Variants in EDA observed in about 807,000 individuals in gnomAD.
The protein encoded by EDA is ectodysplasin-A.
A neutral mutation model predicts 23.6 loss-of-function variants in EDA; 2 were observed. That is an observed-to-expected ratio of 0.08 (90% CI 0.03 to 0.27). The LOEUF is 0.27. EDA is among the 10% of genes least tolerant of loss of function. The pLI is 1.00. For missense variants in EDA, 229 were observed against 324.2 expected (o/e 0.71, Z 2.26); for synonymous variants, 131 against 132.0 (o/e 0.99, Z 0.05).
chrX:69,733,002 C>A (rs2013099739), intron 1 of EDA, among the ~76,000 whole-genome samples: 1 of 108,688 alleles, frequency 9.2e-6, no homozygotes, highest in Admixed American at 9.9e-5. Flanking sequence ...GGATATTAGC[C>A]CTTTGTCAGA....
At chrX:69,756,928 C>G (rs771172713) in intron 1 of EDA, 13 of 111,761 alleles carry the variant, frequency 1.2e-4, no homozygotes, top group Non-Finnish European at 2.3e-4. Context: ...CCTTTTATAA[C>G]CTTTCCTCTT....
At position 69,683,670 on chromosome X, in the gene EDA, A is replaced by G. The variant is rs150457148; in HGVS notation, c.396+66966A>G. On this transcript the variant is annotated intron_variant, in intron 1 of 7. Transcript: ENST00000374552. The stretch of plus-strand genomic sequence containing the variant: ...CGGCAGACTGTGTCTTACTCATTTT[A>G]TATCCCTTGTGATGCTAGTATAATG... 1.9e-4 allele frequency among the ~76,000 whole-genome samples: 21 copies of G among 111,248 alleles called. No individual in the cohort carries two copies. In the East Asian group the frequency reaches 5.8e-3, roughly 31 times the overall value.
chrX:69,873,320 A>G (rs763570096), intron 1 of EDA, among the ~76,000 whole-genome samples: 30 of 112,167 alleles, frequency 2.7e-4, no homozygotes, highest in African/African-American at 9.4e-4. Flanking sequence ...AGACAATCTA[A>G]GGTCACACCT....
chrX:69,821,673 G>T (rs917973368), intron 1 of EDA, among the ~76,000 whole-genome samples: 5 of 111,947 alleles, frequency 4.5e-5, no homozygotes, highest in Non-Finnish European at 9.4e-5. Flanking sequence ...TGTGCATAAA[G>T]ATAAAGAATA....
At chrX:69,848,781 A>G (rs1200305011) in intron 1 of EDA, among the ~76,000 whole-genome samples, 1 of 111,434 alleles carries the variant, frequency 9.0e-6, no homozygotes, top group African/African-American at 3.3e-5. Flanking sequence ...TGAAATTCCA[A>G]CAAGTGTCCA....
At chrX:69,699,447 G>A (rs999787982) in intron 1 of EDA, among the ~76,000 whole-genome samples, 8 of 111,274 alleles carry the variant, frequency 7.2e-5, no homozygotes, top group African/African-American at 2.6e-4. Context: ...CATACACTTG[G>A]AGGAGGCATG....
chrX:69,678,309 T>C (rs1473471861), intron 1 of EDA, among the ~76,000 whole-genome samples: 1 of 110,369 alleles, frequency 9.1e-6, no homozygotes, highest in Non-Finnish European at 1.9e-5. Flanking sequence ...ATGCGGGCTC[T>C]TTTTTGGTTC....
At chrX:69,919,751 A>G (rs745999904) in intron 1 of EDA, among the ~76,000 whole-genome samples, 1 of 112,258 alleles carries the variant, frequency 8.9e-6, no homozygotes, top group Non-Finnish European at 1.9e-5. Context: ...TGGATCTCCA[A>G]TAATAAACTT....
intron 1 of EDA, among the ~76,000 whole-genome samples, chrX:69,797,572 G>A (rs2015572516): frequency 9.0e-6 from 1 of 111,385 alleles, no homozygotes; most frequent in African/African-American, 3.3e-5. Flanking sequence ...TCTGCCCTAA[G>A]AAAGTTCTCA....
chrX:69,670,024 A>G (rs899134250), intron 1 of EDA, among the ~76,000 whole-genome samples: 1 of 111,421 alleles, frequency 9.0e-6, no homozygotes, highest in African/African-American at 3.3e-5. Context: ...CATAATAGTA[A>G]TTATCTTCTT....
intron 1 of EDA, among the ~76,000 whole-genome samples, chrX:69,671,136 A>G (rs1460604468): frequency 8.9e-6 from 1 of 111,732 alleles, no homozygotes; most frequent in Non-Finnish European, 1.9e-5. Context: ...GGTGACTCTC[A>G]TTCCATGTGG....
At chrX:69,792,636 G>T (rs778005103) in intron 1 of EDA, among the ~76,000 whole-genome samples, 1 of 111,871 alleles carries the variant, frequency 8.9e-6, no homozygotes, top group South Asian at 3.7e-4. Flanking sequence ...AACATCTATC[G>T]TTTTTGACCT....
intron 1 of EDA, among the ~76,000 whole-genome samples, chrX:69,704,874 A>G: frequency 9.0e-6 from 1 of 110,903 alleles, no homozygotes. Context: ...AAATATGTAT[A>G]TCGGTATACA....
At chrX:69,782,366 T>TAAAAAAAAA (rs751293381) in intron 1 of EDA, among the ~76,000 whole-genome samples, 13 of 65,454 alleles carry the variant, frequency 2.0e-4, no homozygotes, top group African/African-American at 9.2e-4. Flanking sequence ...TAAATGCTCT[T>TAAAAAAAAA]AAAAAAAAAA....
chrX:69,722,094 T>G lies in EDA; in HGVS notation c.396+105390T>G, dbSNP rs187639340. 2.4e-4 allele frequency among the ~76,000 whole-genome samples: 27 copies of G among 112,347 alleles called. 1 individual carries two copies. Among genetic ancestry groups the G allele is most frequent in the African/African-American group, 8.4e-4 (26 of 30,994 alleles). The stretch of plus-strand genomic sequence containing the variant: ...TAAGATCTTTCCAGTATCCTGGAAC[T>G]TATCCTAGGACGAGTGCTTCTTAAT... On this transcript the variant is annotated intron_variant, in intron 1 of 7. Transcript: ENST00000374552.
At chrX:69,722,050 T>C (rs774166819) in intron 1 of EDA, among the ~76,000 whole-genome samples, 1 of 111,118 alleles carries the variant, frequency 9.0e-6, no homozygotes, top group Non-Finnish European at 1.9e-5. Flanking sequence ...GTGTAGATAT[T>C]AGTTTGGAAA....
chrX:70,010,988 GC>G (rs989170833), intron 2 of EDA, among the ~76,000 whole-genome samples: 5 of 111,751 alleles, frequency 4.5e-5, no homozygotes, highest in African/African-American at 1.6e-4. Context: ...GATTGGGGAC[GC>G]AGCCAAACTA....
intron 1 of EDA, among the ~76,000 whole-genome samples, chrX:69,895,000 G>A (rs992306048): frequency 9.0e-6 from 1 of 111,070 alleles, no homozygotes; most frequent in African/African-American, 3.3e-5. Flanking sequence ...TTTCAAGGTG[G>A]GGTGCTTCCA....
At chrX:69,729,828 G>A (rs2012953345) in intron 1 of EDA, among the ~76,000 whole-genome samples, 1 of 110,775 alleles carries the variant, frequency 9.0e-6, no homozygotes, top group Non-Finnish European at 1.9e-5. Flanking sequence ...CCTTTCCACA[G>A]ATATGTACCA....
Sources: allele counts gnomAD v4.1 joint callset (sites outside exome capture counted in the v4.1 genomes callset), GRCh38; gene constraint gnomAD v4.1.1; transcripts MANE v1.5; gene names NCBI Gene and HGNC (gene_info 2026-07-23, HGNC 2026-07-21).